PPP2R3C: variants seen among roughly 807,000 people sequenced by gnomAD.
The protein encoded by PPP2R3C is protein phosphatase 2 regulatory subunit B''gamma.
In PPP2R3C, 47 loss-of-function variants were observed where a neutral mutation model predicts 63.7. The observed-to-expected ratio is 0.74, with a 90% confidence interval of 0.58 to 0.94. The LOEUF (loss-of-function observed/expected upper bound fraction) is 0.94. Among genes scored for constraint, PPP2R3C ranks in the 40% least tolerant of loss-of-function variants. The pLI, the probability that PPP2R3C is intolerant of heterozygous loss-of-function variation, is 0.00. For missense variants in PPP2R3C, 421 were observed against 518.4 expected, an observed-to-expected ratio of 0.81 and a Z score of 1.82; for synonymous variants, 180 against 177.4, an observed-to-expected ratio of 1.01 and a Z score of -0.12.
chr14:35,090,922 AG>A, intron 11 of PPP2R3C, 147 bp downstream of exon 11: 1 of 592,716 alleles, frequency 1.7e-6, no homozygotes, highest in South Asian at 2.3e-5. Flanking sequence ...TCACCATGTT[AG>A]CCAGGATGGT....
chr14:35,090,572 C>T (rs1028942983), intron 11 of PPP2R3C, among the ~76,000 whole-genome samples: 1 of 151,954 alleles, frequency 6.6e-6, no homozygotes. Context: ...TTAATTTAAA[C>T]CAAATGATAT....
At chr14:35,096,835 T>A (rs965193492) in intron 7 of PPP2R3C, 71 bp from the exon 8 acceptor site, 136 of 1,355,350 alleles carry the variant, frequency 1.0e-4, no homozygotes, top group Middle Eastern at 2.7e-4. Context: ...TAAAAAAAAA[T>A]TTTTTTAACA....
chr14:35,116,295 A>G (rs2046707987), intron 2 of PPP2R3C, among the ~76,000 whole-genome samples: 1 of 152,104 alleles, frequency 6.6e-6, no homozygotes, highest in South Asian at 2.1e-4. Flanking sequence ...TCTGTTACCC[A>G]GGCTGGAGTG....
intron 12 of PPP2R3C, chr14:35,087,016 C>T (rs1348195984): frequency 2.0e-5 from 3 of 152,128 alleles, no homozygotes; most frequent in Non-Finnish European, 4.4e-5. Flanking sequence ...AATTAAACAT[C>T]TAAATGTTTC....
chr14:35,111,235 C>CAAAAAAAAAAAAAAAAAAAAAAAAA (rs3058398), intron 2 of PPP2R3C, among the ~76,000 whole-genome samples: 1 of 89,794 alleles, frequency 1.1e-5, no homozygotes, highest in Non-Finnish European at 2.2e-5. Context: ...CTCCATCTAC[C>CAAAAAAAAAAAAAAAAAAAAAAAAA]AAAAAAAAAA....
At chr14:35,099,513 G>T in intron 6 of PPP2R3C, 129 bp from the exon 7 acceptor site, 9 of 1,153,542 alleles carry the variant, frequency 7.8e-6, no homozygotes, top group Non-Finnish European at 5.8e-6. Context: ...CTATTTTAGT[G>T]GTAAAACTAT....
chr14:35,096,776 TAAAG>T lies in PPP2R3C; in HGVS notation c.707-16_707-13del, dbSNP rs778417075. 1.3e-5 allele frequency: 20 copies of T among 1,560,460 alleles called. No individual in the cohort carries two copies. In the South Asian group the frequency reaches 1.4e-4, roughly 11 times the overall value. Reference sequence around the variant, plus strand: ...AATTTTTATCTTTCCTTTAAGAACATAAAGAAACACAATTAATTTCATTTTAAGA... The same window carrying T: ...AATTTTTATCTTTCCTTTAAGAACATAAACACAATTAATTTCATTTTAAGA... On this transcript the variant is annotated splice_polypyrimidine_tract_variant and intron_variant, in intron 7 of 12. Transcript: ENST00000261475.
intron 7 of PPP2R3C, among the ~76,000 whole-genome samples, chr14:35,096,977 G>T (rs934554230): frequency 6.6e-5 from 10 of 152,292 alleles, no homozygotes; most frequent in Non-Finnish European, 1.0e-4. Context: ...ACTTTGGGAA[G>T]CTGAGGCAGG....
At position 35,096,705 on chromosome 14, in the gene PPP2R3C, T is replaced by C; in HGVS notation, c.762+4A>G. ...ATACAATTAAGTAGTTTAAAAACAT[T>C]TACCTCCAATAAATCATCTAGGAAG... On this transcript the variant is annotated splice_donor_region_variant and intron_variant, in intron 8 of 12. Transcript: ENST00000261475. 6.2e-7 allele frequency: 1 copy of C among 1,603,924 alleles called. No homozygotes were observed. Among genetic ancestry groups the C allele is most frequent in the Non-Finnish European group, 8.5e-7 (1 of 1,175,452 alleles).
intron 2 of PPP2R3C, 43 bp from the exon 3 acceptor site, chr14:35,110,672 C>T (rs1338193215): frequency 9.0e-6 from 12 of 1,332,724 alleles, no homozygotes; most frequent in Admixed American, 1.8e-5. Context: ...TTTTAGACTA[C>T]TGGATCCTAT....
intron 9 of PPP2R3C, 90 bp downstream of exon 9, chr14:35,096,468 G>T: frequency 9.1e-7 from 1 of 1,093,406 alleles, no homozygotes; most frequent in Non-Finnish European, 1.4e-6. Context: ...TGATCTTAAG[G>T]TATATCAGTG....
At position 35,121,288 on chromosome 14, in the gene PPP2R3C, A is replaced by G. The variant is rs576112316; in HGVS notation, c.58+614T>C. Among the ~76,000 whole-genome samples, 7 of 152,150 alleles carry G rather than the reference A, an allele frequency of 4.6e-5. No individual in the cohort carries two copies. In the South Asian group the frequency reaches 1.5e-3, roughly 32 times the overall value. On this transcript the variant is annotated intron_variant, in intron 1 of 12. Transcript: ENST00000261475. Reference sequence around the variant, plus strand: ...GCTACTCCAGAGGCTGAGGCAGAAGAACCGCTTGAACCCGGGAGGCAGAGG... The same window carrying G: ...GCTACTCCAGAGGCTGAGGCAGAAGGACCGCTTGAACCCGGGAGGCAGAGG...
chr14:35,109,970 A>C, intron 3 of PPP2R3C, 39 bp from the exon 4 acceptor site: 1 of 1,430,014 alleles, frequency 7.0e-7, no homozygotes, highest in Non-Finnish European at 9.7e-7. Context: ...TGTAAGTTAA[A>C]AACAACAAGA....
intron 6 of PPP2R3C, among the ~76,000 whole-genome samples, chr14:35,104,392 A>T (rs558331197): frequency 2.6e-5 from 4 of 152,340 alleles, no homozygotes; most frequent in African/African-American, 9.6e-5. Flanking sequence ...AACCATACGA[A>T]CTATAACAAG....
Position 35,107,312 on chromosome 14 carries a change from G to T in PPP2R3C, c.565C>A (p.Arg189=). 1.2e-6 allele frequency: 2 copies of T among 1,601,360 alleles called. No homozygotes were observed. Among genetic ancestry groups the T allele is most frequent in the Non-Finnish European group, 1.7e-6 (2 of 1,168,498 alleles). Reference sequence around the variant, plus strand: ...ATAAGGTTAACACTTACAGATTCCCGAAGGTACCCCTGCCCAGCGACATCA... The same window carrying T: ...ATAAGGTTAACACTTACAGATTCCCTAAGGTACCCCTGCCCAGCGACATCA... ...LYDVAGQGYL[R]ESDLENYILE... The change falls in exon 6 of 13, where the codon CGG becomes AGG. Residue 189 remains arginine, a synonymous_variant. Coordinates refer to ENST00000261475, the MANE Select transcript of PPP2R3C (RefSeq NM_017917.4).
At chr14:35,090,743 T>A (rs1039964440) in intron 11 of PPP2R3C, among the ~76,000 whole-genome samples, 1 of 129,948 alleles carries the variant, frequency 7.7e-6, no homozygotes, top group African/African-American at 3.0e-5. Flanking sequence ...TGAGACGGAG[T>A]CTCGCTCTGT....
intron 11 of PPP2R3C, 132 bp from the exon 12 acceptor site, chr14:35,088,142 A>G (rs945141594): frequency 8.3e-6 from 6 of 723,920 alleles, no homozygotes; most frequent in Middle Eastern, 2.3e-4. Context: ...TCTCTTGCCA[A>G]TCTTCTTAGC....
intron 8 of PPP2R3C, 35 bp downstream of exon 8, chr14:35,096,674 C>G (rs2046008010): frequency 6.2e-7 from 1 of 1,608,962 alleles, no homozygotes; most frequent in South Asian, 1.1e-5. Flanking sequence ...TAGCAACTGT[C>G]AAGTGATACA....
intron 6 of PPP2R3C, among the ~76,000 whole-genome samples, chr14:35,106,895 G>A (rs1302291376): frequency 5.9e-5 from 9 of 151,870 alleles, no homozygotes; most frequent in Admixed American, 4.6e-4. Context: ...TCAAACTCCC[G>A]ACCTCAGGTG....
Sources: allele counts gnomAD v4.1 joint callset (sites outside exome capture counted in the v4.1 genomes callset), GRCh38; gene constraint gnomAD v4.1.1; transcripts MANE v1.5; gene names NCBI Gene and HGNC (gene_info 2026-07-23, HGNC 2026-07-21).